The following IFIT1 variants were observed in gnomAD, a reference collection of about 807,000 sequenced individuals.
The protein encoded by IFIT1 is interferon induced protein with tetratricopeptide repeats 1, also known as antiviral innate immune response effector IFIT1.
IFIT1 carries 1 observed loss-of-function variant against 2.5 expected under a neutral mutation model. That is an observed-to-expected ratio of 0.40 (90% CI 0.14 to 1.92). The LOEUF is 1.92. Among genes scored for constraint, IFIT1 ranks in the 40% most tolerant of loss-of-function variants. IFIT1 has a pLI of 0.31. For synonymous variants in IFIT1, 191 were observed against 201.7 expected, an observed-to-expected ratio of 0.95 and a Z score of 0.45; for missense variants, 508 against 557.8, an observed-to-expected ratio of 0.91 and a Z score of 0.90.
In IFIT1 at chr10:89,403,058, C is replaced by T. The variant is rs756559489; in HGVS notation, c.783C>T (p.Tyr261=). 5 of 1,614,170 alleles carry T rather than the reference C, an allele frequency of 3.1e-6. No homozygotes were observed. The highest frequency in any genetic ancestry group is 4.2e-6 in the Non-Finnish European group (5 of 1,180,032). The change falls in exon 2 of 2, where the codon TAC becomes TAT. Residue 261 remains tyrosine, a synonymous_variant. Coordinates refer to ENST00000371804, the MANE Select transcript of IFIT1 (RefSeq NM_001548.5). Reference sequence around the variant, plus strand: ...TCTTTCGATATGCAGCCAAGTTTTACCGAAGAAAAGGCTCTGTGGATAAAG... The same window carrying T: ...TCTTTCGATATGCAGCCAAGTTTTATCGAAGAAAAGGCTCTGTGGATAAAG... ...TYVFRYAAKF[Y]RRKGSVDKAL... is the part of the protein sequence containing the mutation.
At position 89,402,718 on chromosome 10, in the gene IFIT1, C is replaced by A; in HGVS notation, c.443C>A (p.Ala148Asp). ...GAAATAGACTGTGAGGAAGGATGGG[C>A]CTTGCTGAAGTGTGGAGGAAAAAAT... ...CPEIDCEEGW[A>D]LLKCGGKNYE... is the part of the protein sequence containing the mutation. The change falls in exon 2 of 2, where the codon GCC becomes GAC. Residue 148 changes from alanine (A) to aspartate (D), a missense_variant. Ala to Asp is a moderately radical substitution (Grantham distance 126). Transcript: ENST00000371804. 1 of 1,614,164 alleles carries A rather than the reference C, an allele frequency of 6.2e-7. No homozygotes were observed. The highest frequency in any genetic ancestry group is 8.5e-7 in the Non-Finnish European group (1 of 1,180,034).
chr10:89,403,374 T>C lies in IFIT1; in HGVS notation c.1099T>C (p.Leu367=), dbSNP rs780059609. 6.2e-7 allele frequency: 1 copy of C among 1,613,444 alleles called. No homozygotes were observed. Among genetic ancestry groups the C allele is most frequent in the Non-Finnish European group, 8.5e-7 (1 of 1,179,730 alleles). Residue 367 remains leucine, a synonymous_variant, in exon 2 of 2, where the codon TTA becomes CTA. Coordinates refer to ENST00000371804, the MANE Select transcript of IFIT1 (RefSeq NM_001548.5). ...RKAEENFQKL[L]CMKPVVEETM... ...AGCTGAAGAGAATTTTCAAAAATTG[T>C]TATGCATGAAACCAGTGGTAGAAGA...
chr10:89,398,450 G>T (rs889027477), intron 1 of IFIT1, among the ~76,000 whole-genome samples: 8 of 152,184 alleles, frequency 5.3e-5, no homozygotes, highest in Non-Finnish European at 1.0e-4. Context: ...CTGGCCACTA[G>T]AGCCAGGCAG....
chr10:89,403,562 A>G lies in IFIT1; in HGVS notation c.1287A>G (p.Lys429=), dbSNP rs1456746133. The G allele has an allele frequency of 4.3e-6, 7 of 1,613,956 alleles. No homozygotes were observed. Among genetic ancestry groups the G allele is most frequent in the Non-Finnish European group, 5.9e-6 (7 of 1,179,980 alleles). Residue 429 remains lysine (K), a synonymous_variant, in exon 2 of 2, where the codon AAA becomes AAG. Coordinates refer to ENST00000371804, the MANE Select transcript of IFIT1 (RefSeq NM_001548.5). ...CTTTGAAGAAATTGGTTTTAAGGAA[A>G]CTTCGGAGAAAGGCATTAGATCTGG... ...INSLKKLVLR[K]LRRKALDLES...
chr10:89,395,312 T>G (rs1240274879), intron 1 of IFIT1, among the ~76,000 whole-genome samples: 1 of 151,488 alleles, frequency 6.6e-6, no homozygotes, highest in Non-Finnish European at 1.5e-5. Context: ...GAAACCCACC[T>G]AGGTAACGCC....
In IFIT1 at chr10:89,403,506, GC is replaced by G; in HGVS notation, c.1232del (p.Ala411AspfsTer3). 6.2e-7 allele frequency: 1 copy of G among 1,612,716 alleles called. No homozygotes were observed. Among genetic ancestry groups the G allele is most frequent in the Non-Finnish European group, 8.5e-7 (1 of 1,179,440 alleles). ...HYLKAIKIEQ[A>X]SLTRDKSINS... ...TTTAAAAGCTATAAAAATAGAACAGGCATCATTAACAAGGGATAAAAGTATC... is the reference window on the plus strand; with the variant it reads ...TTTAAAAGCTATAAAAATAGAACAGGATCATTAACAAGGGATAAAAGTATC... On this transcript the variant is annotated frameshift_variant, in exon 2 of 2. Transcript: ENST00000371804. LOFTEE classifies it low-confidence loss of function (END_TRUNC).
rs896599717 is a variant in IFIT1, at chr10:89,403,938, A to G, written c.*226A>G. The G allele has an allele frequency of 2.5e-6, 1 of 397,042 alleles. No individual in the cohort carries two copies. 24.6% of individuals were successfully genotyped at this position (397,042 alleles called of 1,614,324 possible). A position where few individuals can be genotyped will look rare whatever the true frequency, so the allele number is the denominator to read the frequency against. On this transcript the variant is annotated 3_prime_UTR_variant, in exon 2 of 2. Coordinates refer to ENST00000371804, the MANE Select transcript of IFIT1 (RefSeq NM_001548.5). ...TTTGTATGAGTGCTATGTAGTAGAG[A>G]AAAAATGTTAGTTAACTTTGTAGGA... is the stretch of plus-strand genomic sequence containing the variant.
rs539085622 is a variant in IFIT1, at chr10:89,404,282, C to G, written c.*570C>G. The G allele has an allele frequency of 6.5e-6, 1 of 152,720 alleles. No individual in the cohort carries two copies. The highest frequency in any genetic ancestry group is 6.5e-5 in the Admixed American group (1 of 15,284). 9.5% of individuals were successfully genotyped at this position (152,720 alleles called of 1,614,324 possible). On this transcript the variant is annotated 3_prime_UTR_variant, in exon 2 of 2. Coordinates refer to ENST00000371804, the MANE Select transcript of IFIT1 (RefSeq NM_001548.5). ...AGCGCCACAGCCAGACTCCCCTCCC[C>G]TCTTGCGGTTTCCACATGACAACTG... is the stretch of plus-strand genomic sequence containing the variant.
At chr10:89,392,998 AG>A (rs2133612679) in intron 1 of IFIT1, 1 of 726,724 alleles carries the variant, frequency 1.4e-6, no homozygotes, top group East Asian at 3.6e-5. Flanking sequence ...TTTTGCAGGA[AG>A]GGAGAAAATG....
In IFIT1 at chr10:89,403,541, G is replaced by A. The variant is rs745382349; in HGVS notation, c.1266G>A (p.Leu422=). The change falls in exon 2 of 2, where the codon TTG becomes TTA. Residue 422 remains leucine, a synonymous_variant. Transcript: ENST00000371804. Reference sequence around the variant, plus strand: ...CAAGGGATAAAAGTATCAATTCTTTGAAGAAATTGGTTTTAAGGAAACTTC... The same window carrying A: ...CAAGGGATAAAAGTATCAATTCTTTAAAGAAATTGGTTTTAAGGAAACTTC... ...SLTRDKSINS[L]KKLVLRKLRR... 7 of 1,614,012 alleles carry A rather than the reference G, an allele frequency of 4.3e-6. No homozygotes were observed. The highest frequency in any genetic ancestry group is 5.9e-6 in the Non-Finnish European group (7 of 1,179,950).
At chr10:89,399,847 C>A (rs2133624817) in intron 1 of IFIT1, among the ~76,000 whole-genome samples, 1 of 152,192 alleles carries the variant, frequency 6.6e-6, no homozygotes, top group East Asian at 1.9e-4. Flanking sequence ...AGCTGGTGTC[C>A]TTAGACACCA....
rs78301199 is a variant in IFIT1, at chr10:89,396,675, G to A, written c.5+3958G>A. Among the ~76,000 whole-genome samples, 162 of 152,296 alleles carry A rather than the reference G, an allele frequency of 1.1e-3. No individual in the cohort carries two copies. In the East Asian group the frequency reaches 0.014, roughly 13 times the overall value. ...TTGTGACACTAGAGATCAAATTTCC[G>A]TAGATTTGGTGGGGACAATCAAACT... On this transcript the variant is annotated intron_variant, in intron 1 of 1. Transcript: ENST00000371804.
intron 1 of IFIT1, among the ~76,000 whole-genome samples, chr10:89,395,995 G>T (rs573428179): frequency 6.6e-6 from 1 of 152,182 alleles, no homozygotes; most frequent in East Asian, 1.9e-4. Context: ...TGAACATTTG[G>T]GTTGTTTCCA....
At chr10:89,401,588 C>T (rs1844424309) in intron 1 of IFIT1, among the ~76,000 whole-genome samples, 1 of 151,868 alleles carries the variant, frequency 6.6e-6, no homozygotes, top group African/African-American at 2.4e-5. Flanking sequence ...AAGTGGTGGT[C>T]TCATAGGCTT....
intron 1 of IFIT1, among the ~76,000 whole-genome samples, chr10:89,393,662 G>GT (rs1844291410): frequency 6.6e-6 from 1 of 152,188 alleles, no homozygotes; most frequent in African/African-American, 2.4e-5. Flanking sequence ...CCTGGGAGGC[G>GT]TAAGTTGCAG....
rs76646858 is a variant in IFIT1, at chr10:89,404,713, G to C, written c.*1001G>C. 6.6e-6 allele frequency: 1 copy of C among 152,208 alleles called. No individual in the cohort carries two copies. The highest frequency in any genetic ancestry group is 2.4e-5 in the African/African-American group (1 of 41,434). 9.4% of individuals were successfully genotyped at this position (152,208 alleles called of 1,614,324 possible). A position where few individuals can be genotyped will look rare whatever the true frequency, so the allele number is the denominator to read the frequency against. On this transcript the variant is annotated 3_prime_UTR_variant, in exon 2 of 2. Transcript: ENST00000371804. ...CTCACGCCTGTAATCTCAGCACTTC[G>C]ATGGGACGAGGCAGGCAGATCACCT...
At chr10:89,393,128 G>C in intron 1 of IFIT1, 1 of 1,293,644 alleles carries the variant, frequency 7.7e-7, no homozygotes, top group Non-Finnish European at 1.0e-6. Context: ...CAGAGAAAAA[G>C]CAGGACCCAC....
chr10:89,393,152 C>G (rs1844282431), intron 1 of IFIT1: 1 of 1,291,514 alleles, frequency 7.7e-7, no homozygotes. Flanking sequence ...AATGTGAAAG[C>G]CTCAGTCTTG....
At chr10:89,395,564 C>T (rs946945897) in intron 1 of IFIT1, among the ~76,000 whole-genome samples, 1 of 152,138 alleles carries the variant, frequency 6.6e-6, no homozygotes, top group African/African-American at 2.4e-5. Flanking sequence ...GAGAGAGTGG[C>T]TGTCTCAGTA....
Sources: allele counts gnomAD v4.1 joint callset (sites outside exome capture counted in the v4.1 genomes callset), GRCh38; gene constraint gnomAD v4.1.1; transcripts MANE v1.5; gene names NCBI Gene and HGNC (gene_info 2026-07-23, HGNC 2026-07-21).